ASMTL: variants seen among roughly 807,000 people sequenced by gnomAD.
ASMTL encodes acetylserotonin O-methyltransferase like, also known as probable bifunctional dTTP/UTP pyrophosphatase/methyltransferase protein.
A neutral mutation model predicts 60.3 loss-of-function variants in ASMTL; 57 were observed. The observed-to-expected ratio is 0.95, with a 90% CI of 0.76 to 1.18. The LOEUF (loss-of-function observed/expected upper bound fraction) is 1.18, where lower values mean the gene tolerates loss of function less well. ASMTL is among the 50% of genes most tolerant of loss of function. The probability of loss-of-function intolerance (pLI) is 0.00; values close to 1 mark genes in which losing one functional copy is unlikely to be tolerated. For missense variants in ASMTL, 981 were observed against 852.6 expected (o/e 1.15, Z -1.88); for synonymous variants, 419 against 373.0 (o/e 1.12, Z -1.42).
At chrX:1,421,549 T>A (rs2090483976) in intron 9 of ASMTL, 109 bp downstream of exon 9, 15 of 1,217,972 alleles carry the variant, frequency 1.2e-5, no homozygotes, top group Non-Finnish European at 1.8e-5. Context: ...GCCTTTGGGA[T>A]CTGTCAGACT....
chrX:1,410,748 TGATG>T (rs2089980795), intron 12 of ASMTL, among the ~76,000 whole-genome samples: 1 of 3,144 alleles, frequency 3.2e-4, no homozygotes, highest in Non-Finnish European at 1.1e-3. Flanking sequence ...CTGGGCATGG[TGATG>T]CATGATGCAT....
intron 6 of ASMTL, 28 bp downstream of exon 6, chrX:1,432,241 C>T: frequency 1.3e-6 from 2 of 1,566,086 alleles, no homozygotes; most frequent in Non-Finnish European, 1.7e-6. Context: ...CACGTGTCCC[C>T]CGTCCCCCCA....
chrX:1,450,214 G>A (rs757293167), intron 1 of ASMTL, among the ~76,000 whole-genome samples: 56 of 151,968 alleles, frequency 3.7e-4, no homozygotes, highest in African/African-American at 9.9e-4. Flanking sequence ...TCACTAGACC[G>A]TCTCCTCCAT....
At chrX:1,428,173 G>A (rs1344994875) in intron 6 of ASMTL, 52 bp from the exon 7 acceptor site, 3 of 1,549,646 alleles carry the variant, frequency 1.9e-6, no homozygotes, top group African/African-American at 1.4e-5. Context: ...AAGTTCCTGG[G>A]TCTGAACATT....
chrX:1,428,524 G>A (rs1211233365), intron 6 of ASMTL, among the ~76,000 whole-genome samples: 2 of 151,578 alleles, frequency 1.3e-5, no homozygotes, highest in African/African-American at 2.4e-5. Context: ...GCACACGCCT[G>A]TAATCCCAGC....
chrX:1,411,991 G>A (rs1463891376), intron 12 of ASMTL, among the ~76,000 whole-genome samples: 1 of 151,272 alleles, frequency 6.6e-6, no homozygotes, highest in African/African-American at 2.4e-5. Flanking sequence ...TTTTGTGTTT[G>A]TTTTTAATAG....
intron 7 of ASMTL, among the ~76,000 whole-genome samples, chrX:1,426,735 C>G (rs73180941): frequency 1.3e-5 from 2 of 152,042 alleles, no homozygotes; most frequent in East Asian, 3.9e-4. Flanking sequence ...CGCCTGTAAT[C>G]AGGAGGCTAC....
chrX:1,414,279 C>A (rs1263000872), intron 11 of ASMTL, among the ~76,000 whole-genome samples: 1 of 152,104 alleles, frequency 6.6e-6, no homozygotes, highest in South Asian at 2.1e-4. Flanking sequence ...GACCTCCGGT[C>A]TGCAGGACAG....
At chrX:1,405,629 G>A (rs1257239353) in intron 12 of ASMTL, among the ~76,000 whole-genome samples, 1 of 151,790 alleles carries the variant, frequency 6.6e-6, no homozygotes, top group Non-Finnish European at 1.5e-5. Flanking sequence ...TAGATGAATG[G>A]ATGGATAGAT....
In ASMTL at chrX:1,419,012, A is replaced by T; in HGVS notation, c.1348T>A (p.Ser450Thr). 6.2e-7 allele frequency: 1 copy of T among 1,611,844 alleles called. No individual in the cohort carries two copies. The highest frequency in any genetic ancestry group is 2.2e-5 in the East Asian group (1 of 44,872). ...ACGTCGCAGGCGGAGGAGAAGCGGG[A>T]CAGATTGAAGGCCGTGGCCACCTGG... ...ACQVATAFNL[S>T]RFSSACDVGG... Residue 450 changes from serine to threonine, a missense_variant, in exon 10 of 13, where the codon TCC becomes ACC. Coordinates refer to ENST00000381317, the MANE Select transcript of ASMTL (RefSeq NM_004192.4).
chrX:1,407,134 CTG>C lies in ASMTL; in HGVS notation c.1646-3647_1646-3646del, dbSNP rs2089889799. On this transcript the variant is annotated intron_variant, in intron 12 of 12. Coordinates refer to ENST00000381317, the MANE Select transcript of ASMTL (RefSeq NM_004192.4). ...GTAGATGGATGGATGGATGGGTGAA[CTG>C]ATGGTAGATGATGGGTAGGTAGATA... Among the ~76,000 whole-genome samples, 4 of 130,884 alleles carry C rather than the reference CTG, an allele frequency of 3.1e-5. No homozygotes were observed. In the South Asian group the frequency reaches 7.5e-4, roughly 24 times the overall value. 85.9% of individuals were successfully genotyped at this position (130,884 alleles called of 152,430 possible).
At chrX:1,424,473 C>T (rs1275002561) in intron 8 of ASMTL, among the ~76,000 whole-genome samples, 18 of 150,762 alleles carry the variant, frequency 1.2e-4, no homozygotes, top group African/African-American at 2.4e-4. Flanking sequence ...TCCATTCACA[C>T]GCCCACCCAT....
At chrX:1,435,970 C>T (rs1442426576) in intron 3 of ASMTL, among the ~76,000 whole-genome samples, 2 of 152,134 alleles carry the variant, frequency 1.3e-5, no homozygotes, top group African/African-American at 4.8e-5. Context: ...CAGAAGGAGA[C>T]CCTGTCCCCA....
At chrX:1,440,699 C>T (rs1205924808) in intron 2 of ASMTL, among the ~76,000 whole-genome samples, 11 of 152,054 alleles carry the variant, frequency 7.2e-5, no homozygotes, top group Middle Eastern at 3.2e-3. Context: ...TCCGGGAGGC[C>T]GAGGCGGGTG....
At chrX:1,417,314 T>C (rs752934802) in intron 11 of ASMTL, among the ~76,000 whole-genome samples, 4 of 147,558 alleles carry the variant, frequency 2.7e-5, no homozygotes, top group African/African-American at 5.0e-5. Context: ...CAGACGCACA[T>C]ACACAGACAT....
intron 1 of ASMTL, among the ~76,000 whole-genome samples, chrX:1,451,826 G>A (rs145300315): frequency 0.041 from 5,854 of 143,788 alleles, 370 homozygotes; most frequent in African/African-American, 0.14. Context: ...TGGGGGTCCC[G>A]GGTTACTCTC....
chrX:1,410,839 G>C (rs2089988335), intron 12 of ASMTL, among the ~76,000 whole-genome samples: 1 of 151,508 alleles, frequency 6.6e-6, no homozygotes, highest in South Asian at 2.1e-4. Context: ...GCAGTGACCT[G>C]TGACTGCTCC....
intron 12 of ASMTL, among the ~76,000 whole-genome samples, chrX:1,411,806 C>CTTTTTTTT (rs756437483): frequency 3.8e-4 from 33 of 86,174 alleles, no homozygotes; most frequent in East Asian, 8.2e-4. Context: ...TTAGGATTTT[C>CTTTTTTTT]TTTTTTTTTT....
intron 5 of ASMTL, among the ~76,000 whole-genome samples, chrX:1,432,901 C>G (rs2090843060): frequency 1.3e-5 from 2 of 152,422 alleles, no homozygotes; most frequent in South Asian, 4.1e-4. Flanking sequence ...GGTTCGAGAC[C>G]AGCCTGGCCA....
Sources: gnomAD v4.1 joint callset for allele counts (sites outside exome capture counted in the v4.1 genomes callset) on GRCh38, gnomAD v4.1.1 for gene constraint, MANE v1.5 for transcripts, NCBI Gene and HGNC (gene_info 2026-07-23, HGNC 2026-07-21) for gene names.